The following TMC1 variants were observed in gnomAD, a reference collection of about 807,000 sequenced individuals.
The protein encoded by TMC1 is transmembrane channel like 1, also known as transmembrane channel-like protein 1.
TMC1 carries 84 observed loss-of-function variants against 105.8 expected under a neutral mutation model. The ratio of observed to expected loss-of-function variants is 0.79; its 90% confidence interval spans 0.67 to 0.95. The LOEUF (loss-of-function observed/expected upper bound fraction) is 0.95. Among genes scored for constraint, TMC1 ranks in the 40% least tolerant of loss-of-function variants. The pLI, the probability that TMC1 is intolerant of heterozygous loss-of-function variation, is 0.00. For synonymous variants in TMC1, 315 were observed against 311.5 expected, an observed-to-expected ratio of 1.01 and a Z score of -0.12; for missense variants, 817 against 914.1, an observed-to-expected ratio of 0.89 and a Z score of 1.37.
At chr9:72,603,753 T>C (rs1824861194) in intron 2 of TMC1, among the ~76,000 whole-genome samples, 1 of 152,026 alleles carries the variant, frequency 6.6e-6, no homozygotes, top group South Asian at 2.1e-4. Context: ...TTTCACCATG[T>C]TGGCTGGTCA....
At chr9:72,718,783 C>T (rs1826965765) in intron 8 of TMC1, among the ~76,000 whole-genome samples, 1 of 152,130 alleles carries the variant, frequency 6.6e-6, no homozygotes, top group Admixed American at 6.5e-5. Context: ...AAAATATGAA[C>T]TTTGTCTTTA....
chr9:72,677,129 T>TACACACACACAC (rs71495332), intron 5 of TMC1, among the ~76,000 whole-genome samples: 169 of 145,226 alleles, frequency 1.2e-3, no homozygotes, highest in South Asian at 3.3e-3. Flanking sequence ...GAACAGAAAT[T>TACACACACACAC]ACACACACAC....
chr9:72,826,837 T>C (rs781349672), intron 20 of TMC1, 32 bp from the exon 21 acceptor site: 2 of 1,612,366 alleles, frequency 1.2e-6, no homozygotes, highest in African/African-American at 1.3e-5. Flanking sequence ...ATGTTCTTAA[T>C]AAACTTATCT....
chr9:72,550,815 C>G (rs1823850123), intron 1 of TMC1, among the ~76,000 whole-genome samples: 1 of 152,074 alleles, frequency 6.6e-6, no homozygotes, highest in Non-Finnish European at 1.5e-5. Flanking sequence ...GAACCTATAG[C>G]TAGATTGCCT....
At chr9:72,753,342 A>G (rs1227244757) in intron 11 of TMC1, among the ~76,000 whole-genome samples, 1 of 126,130 alleles carries the variant, frequency 7.9e-6, no homozygotes, top group East Asian at 2.3e-4. Flanking sequence ...AAACTCCTCC[A>G]TTCCATCACT....
intron 1 of TMC1, among the ~76,000 whole-genome samples, chr9:72,542,363 G>A (rs1265747594): frequency 2.6e-5 from 4 of 152,100 alleles, no homozygotes; most frequent in Non-Finnish European, 4.4e-5. Flanking sequence ...TGGAGGGTGA[G>A]GCAGGAGAAT....
intron 4 of TMC1, among the ~76,000 whole-genome samples, chr9:72,629,648 A>G (rs1226052745): frequency 6.6e-6 from 1 of 152,152 alleles, no homozygotes; most frequent in Non-Finnish European, 1.5e-5. Flanking sequence ...AACAACATAG[A>G]CAAAATCAAA....
intron 2 of TMC1, among the ~76,000 whole-genome samples, chr9:72,579,216 C>T (rs1362934759): frequency 6.6e-6 from 1 of 152,140 alleles, no homozygotes; most frequent in African/African-American, 2.4e-5. Flanking sequence ...CCTTAATATA[C>T]TCCCCTTTCT....
At chr9:72,622,250 G>A (rs985816081) in intron 3 of TMC1, among the ~76,000 whole-genome samples, 1 of 152,168 alleles carries the variant, frequency 6.6e-6, no homozygotes. Context: ...CCCACCCGCA[G>A]CACCAAGCAA....
chr9:72,574,420 G>A (rs1376061458), intron 1 of TMC1, among the ~76,000 whole-genome samples: 1 of 152,228 alleles, frequency 6.6e-6, no homozygotes, highest in Non-Finnish European at 1.5e-5. Flanking sequence ...TATCAGGAAA[G>A]CAAGGCCAAT....
intron 5 of TMC1, among the ~76,000 whole-genome samples, chr9:72,671,072 C>A (rs1200897971): frequency 6.6e-6 from 1 of 152,144 alleles, no homozygotes; most frequent in Non-Finnish European, 1.5e-5. Flanking sequence ...TTATGTGACA[C>A]AGTAGCCATC....
chr9:72,752,447 A>AACACACACACACACACACACAC lies in TMC1; in HGVS notation c.642+497_642+518dup, dbSNP rs10640023. Among the ~76,000 whole-genome samples, 275 of 149,200 alleles carry AACACACACACACACACACACAC rather than the reference A, an allele frequency of 1.8e-3. 1 individual carries two copies. Among genetic ancestry groups the AACACACACACACACACACACAC allele is most frequent in the African/African-American group, 6.5e-3 (265 of 40,642 alleles). On this transcript the variant is annotated intron_variant, in intron 11 of 23. Transcript: ENST00000297784. ...AGATACAAAGTAAGATAATGCCCACAACACACACACACACACACACACACA... is the reference window on the plus strand; with the variant it reads ...AGATACAAAGTAAGATAATGCCCACAACACACACACACACACACACACACACACACACACACACACACACACA...
intron 5 of TMC1, among the ~76,000 whole-genome samples, chr9:72,664,455 C>G (rs1373077582): frequency 1.3e-5 from 2 of 152,196 alleles, no homozygotes; most frequent in Admixed American, 6.5e-5. Context: ...GTTTGTGCAT[C>G]CAAATGTTGC....
chr9:72,617,649 G>A (rs994269751), intron 3 of TMC1, among the ~76,000 whole-genome samples: 2 of 151,994 alleles, frequency 1.3e-5, no homozygotes, highest in African/African-American at 4.8e-5. Flanking sequence ...AATAGCACCT[G>A]AAAACATGAA....
chr9:72,597,238 T>C (rs1824735295), intron 2 of TMC1, among the ~76,000 whole-genome samples: 1 of 152,200 alleles, frequency 6.6e-6, no homozygotes, highest in Admixed American at 6.5e-5. Flanking sequence ...ATTTCTTCAC[T>C]CACAGAAAGA....
At chr9:72,545,241 A>G (rs1823747755) in intron 1 of TMC1, among the ~76,000 whole-genome samples, 1 of 151,724 alleles carries the variant, frequency 6.6e-6, no homozygotes, top group African/African-American at 2.4e-5. Context: ...TCATTGATTG[A>G]TGGGCATTTG....
At chr9:72,714,978 A>G (rs1826894504) in intron 8 of TMC1, among the ~76,000 whole-genome samples, 1 of 152,184 alleles carries the variant, frequency 6.6e-6, no homozygotes. Flanking sequence ...AAAATCTCTC[A>G]GCATTTCCTT....
chr9:72,718,584 C>G (rs941127515), intron 8 of TMC1, among the ~76,000 whole-genome samples: 1 of 152,172 alleles, frequency 6.6e-6, no homozygotes, highest in Non-Finnish European at 1.5e-5. Flanking sequence ...CTGTGGATAC[C>G]AGCATCTGGT....
intron 2 of TMC1, among the ~76,000 whole-genome samples, chr9:72,600,771 A>G (rs560049029): frequency 6.6e-6 from 1 of 152,282 alleles, no homozygotes; most frequent in East Asian, 1.9e-4. Flanking sequence ...GTTTTACCCT[A>G]TATCCTATGA....
Sources: gnomAD v4.1 joint callset for allele counts (sites outside exome capture counted in the v4.1 genomes callset) on GRCh38, gnomAD v4.1.1 for gene constraint, MANE v1.5 for transcripts, NCBI Gene and HGNC (gene_info 2026-07-23, HGNC 2026-07-21) for gene names.